Variants in CAMTA1 observed in about 807,000 individuals in gnomAD.
The protein encoded by CAMTA1 is calmodulin-binding transcription activator 1.
A neutral mutation model predicts 170.9 loss-of-function variants in CAMTA1; 27 were observed. The observed-to-expected ratio is 0.16, with a 90% confidence interval of 0.12 to 0.22. The LOEUF (loss-of-function observed/expected upper bound fraction) is 0.22. Ranked by LOEUF, CAMTA1 falls within the 10% of genes least tolerant of loss-of-function variation. The pLI is 1.00. For missense variants in CAMTA1, 1,619 were observed against 2,217.2 expected, an observed-to-expected ratio of 0.73 and a Z score of 5.42; for synonymous variants, 833 against 891.5, an observed-to-expected ratio of 0.93 and a Z score of 1.17.
intron 4 of CAMTA1, among the ~76,000 whole-genome samples, chr1:7,203,669 GTCATTTTCAT>G (rs1212243932): frequency 6.6e-6 from 1 of 150,940 alleles, no homozygotes; most frequent in Non-Finnish European, 1.5e-5. Flanking sequence ...TTCCTTTGTA[GTCATTTTCAT>G]TTCTGTACGG....
intron 6 of CAMTA1, among the ~76,000 whole-genome samples, chr1:7,544,379 GAT>G (rs1421325878): frequency 2.0e-5 from 3 of 152,222 alleles, no homozygotes; most frequent in Admixed American, 1.3e-4. Context: ...TACAATTCAA[GAT>G]GAGATTTGGG....
chr1:7,738,107 G>A lies in CAMTA1; in HGVS notation c.3807G>A (p.Glu1269=). 1 of 1,614,142 alleles carries A rather than the reference G, an allele frequency of 6.2e-7. No individual in the cohort carries two copies. Among genetic ancestry groups the A allele is most frequent in the Non-Finnish European group, 8.5e-7 (1 of 1,180,030 alleles). ...KLLPTALSLE[E]PNIRKQSPSS... The stretch of plus-strand genomic sequence containing the variant: ...TTCCCACTGCACTGAGTCTGGAAGA[G>A]CCAAATATCAGGAAGCAAAGCCCTA... The change falls in exon 16 of 23, where the codon GAG becomes GAA. Residue 1269 remains glutamate, a synonymous_variant. Transcript: ENST00000303635. The surrounding 1 kb of genome is among the most constrained non-coding windows in gnomAD (Gnocchi z 4.9).
At chr1:7,563,385 T>G (rs1164225644) in intron 6 of CAMTA1, among the ~76,000 whole-genome samples, 1 of 152,140 alleles carries the variant, frequency 6.6e-6, no homozygotes, top group Non-Finnish European at 1.5e-5. Context: ...TGGTCAGGAC[T>G]GAGACCTGCA....
chr1:7,649,215 C>T (rs767558517), intron 7 of CAMTA1, among the ~76,000 whole-genome samples: 6 of 152,222 alleles, frequency 3.9e-5, no homozygotes, highest in Non-Finnish European at 8.8e-5. Context: ...TTGACTTGCA[C>T]TTGTGAGAAA....
chr1:7,382,830 T>TGATAGATAGATAGATA (rs36215258), intron 5 of CAMTA1: 16 of 149,184 alleles, frequency 1.1e-4, no homozygotes, highest in African/African-American at 2.2e-4. Flanking sequence ...GCTTCCTAGA[T>TGATAGATAGATAGATA]GATAGATAGA....
intron 5 of CAMTA1, among the ~76,000 whole-genome samples, chr1:7,337,280 G>A (rs2083444487): frequency 6.6e-6 from 1 of 152,224 alleles, no homozygotes; most frequent in South Asian, 2.1e-4. Context: ...GGGGAGGTAA[G>A]CACCCCTTGC....
At chr1:6,829,953 G>C (rs1649063645) in intron 3 of CAMTA1, among the ~76,000 whole-genome samples, 1 of 152,038 alleles carries the variant, frequency 6.6e-6, no homozygotes, top group East Asian at 1.9e-4. Flanking sequence ...TCATTTCTTA[G>C]GAAAGTAGTT....
chr1:7,320,657 T>TG (rs35215584), intron 5 of CAMTA1, among the ~76,000 whole-genome samples: 1 of 143,858 alleles, frequency 7.0e-6, no homozygotes, highest in Admixed American at 7.2e-5. Flanking sequence ...GTGTTTTTTT[T>TG]TTTTTTTTTT....
intron 4 of CAMTA1, among the ~76,000 whole-genome samples, chr1:7,205,350 A>T: frequency 6.7e-6 from 1 of 150,276 alleles, no homozygotes; most frequent in East Asian, 2.0e-4. Context: ...TGATCCACCC[A>T]CCTTGGCCTC....
intron 5 of CAMTA1, among the ~76,000 whole-genome samples, chr1:7,449,829 C>T (rs2092777587): frequency 6.6e-6 from 1 of 150,902 alleles, no homozygotes; most frequent in Non-Finnish European, 1.5e-5. Context: ...GGGCCCAGTA[C>T]TCAGTGGAAC....
chr1:7,756,302 C>G (rs929761192), intron 22 of CAMTA1, among the ~76,000 whole-genome samples: 3 of 152,028 alleles, frequency 2.0e-5, no homozygotes, highest in African/African-American at 7.3e-5. Context: ...ACTGGCCTTC[C>G]AGCACTTGAT....
At chr1:7,106,592 C>T (rs984657139) in intron 4 of CAMTA1, among the ~76,000 whole-genome samples, 21 of 152,022 alleles carry the variant, frequency 1.4e-4, no homozygotes, top group Admixed American at 5.9e-4. Flanking sequence ...TCTTTCTTAG[C>T]GCTTTAAAAT....
At chr1:6,975,356 G>T (rs924015460) in intron 3 of CAMTA1, among the ~76,000 whole-genome samples, 6 of 152,174 alleles carry the variant, frequency 3.9e-5, no homozygotes, top group African/African-American at 1.2e-4. Context: ...CATGCAAATT[G>T]TCCTGTGGCT....
At chr1:7,587,425 G>A (rs760284837) in intron 6 of CAMTA1, among the ~76,000 whole-genome samples, 1 of 152,052 alleles carries the variant, frequency 6.6e-6, no homozygotes, top group South Asian at 2.1e-4. Flanking sequence ...GCGGTGAGTC[G>A]GCAGCACGCC....
chr1:7,137,817 C>T (rs920591692), intron 4 of CAMTA1, among the ~76,000 whole-genome samples: 1 of 152,170 alleles, frequency 6.6e-6, no homozygotes, highest in Non-Finnish European at 1.5e-5. Flanking sequence ...CCCCTGTCCC[C>T]ACATCCCTTC....
At chr1:7,320,627 C>A (rs1467107433) in intron 5 of CAMTA1, among the ~76,000 whole-genome samples, 1 of 150,728 alleles carries the variant, frequency 6.6e-6, no homozygotes, top group South Asian at 2.1e-4. Flanking sequence ...TCTCCACTAT[C>A]CCCCTGGGCT....
chr1:6,857,806 A>G (rs746836318), intron 3 of CAMTA1, among the ~76,000 whole-genome samples: 3 of 152,198 alleles, frequency 2.0e-5, no homozygotes, highest in African/African-American at 7.2e-5. Flanking sequence ...AAATCAAATC[A>G]TGTGCCGAGT....
rs528035856 is a variant in CAMTA1 at position 7,642,423 on chromosome 1, C to G, written c.664+1870C>G. Among the ~76,000 whole-genome samples the G allele has an allele frequency of 2.0e-5, 3 of 152,178 alleles. No individual in the cohort carries two copies. Among genetic ancestry groups the G allele is most frequent in the African/African-American group, 7.2e-5 (3 of 41,444 alleles). ...AGCCGGGGCTGCTGAGTGGCACTTT[C>G]CCAAGGGCAGGCCAGAGGCTAGGAG... On this transcript the variant is annotated intron_variant, in intron 7 of 22. Coordinates refer to ENST00000303635, the MANE Select transcript of CAMTA1 (RefSeq NM_015215.4). The surrounding 1 kb of genome is among the most constrained non-coding windows in gnomAD (Gnocchi z 6.3).
At chr1:7,132,048 T>TAC (rs70984054) in intron 4 of CAMTA1, among the ~76,000 whole-genome samples, 5,094 of 149,810 alleles carry the variant, frequency 0.034, 82 homozygotes, top group Non-Finnish European at 0.044. Flanking sequence ...GTGACTCTGT[T>TAC]ACACACACAC....
Sources: allele counts gnomAD v4.1 joint callset (sites outside exome capture counted in the v4.1 genomes callset), GRCh38; gene constraint gnomAD v4.1.1; non-coding constraint Gnocchi (gnomAD v3.1); transcripts MANE v1.5; gene names NCBI Gene and HGNC (gene_info 2026-07-23, HGNC 2026-07-21).